The following ADAM2 variants were observed in gnomAD, a reference collection of about 807,000 sequenced individuals.
ADAM2 encodes the protein disintegrin and metalloproteinase domain-containing protein 2.
A neutral mutation model predicts 99.3 loss-of-function variants in ADAM2; 101 were observed. The ratio of observed to expected loss-of-function variants is 1.02; its 90% confidence interval spans 0.87 to 1.20. The LOEUF is 1.20. Ranked by LOEUF, ADAM2 falls within the 50% of genes most tolerant of loss-of-function variation. ADAM2 has a pLI of 0.00. For synonymous variants in ADAM2, 323 were observed against 287.6 expected (o/e 1.12, Z -1.25); for missense variants, 948 against 878.7 (o/e 1.08, Z -1.00).
intron 4 of ADAM2, among the ~76,000 whole-genome samples, chr8:39,824,125 A>C (rs1358152312): frequency 1.3e-5 from 2 of 152,142 alleles, no homozygotes; most frequent in African/African-American, 4.8e-5. Context: ...CTCTACTAAA[A>C]ATACAAAATT....
chr8:39,799,666 T>G (rs1490722114), intron 7 of ADAM2, among the ~76,000 whole-genome samples: 3 of 152,130 alleles, frequency 2.0e-5, no homozygotes, highest in African/African-American at 7.2e-5. Flanking sequence ...TGTGTGGGAG[T>G]CCAAGTCTCT....
intron 1 of ADAM2, among the ~76,000 whole-genome samples, 193 bp downstream of exon 1, chr8:39,837,938 G>A (rs1320881521): frequency 2.0e-5 from 3 of 152,148 alleles, no homozygotes; most frequent in African/African-American, 7.2e-5. Flanking sequence ...TAGGTTTCCA[G>A]GACGTGTGGG....
At chr8:39,780,988 T>C (rs28584942) in intron 10 of ADAM2, among the ~76,000 whole-genome samples, 2,523 of 152,098 alleles carry the variant, frequency 0.017, 53 homozygotes, top group African/African-American at 0.057. Context: ...AAAGCTTGTT[T>C]TGTGTGGCGC....
At chr8:39,761,345 A>G (rs1802363939) in intron 14 of ADAM2, 64 bp from the exon 15 acceptor site, 2 of 926,252 alleles carry the variant, frequency 2.2e-6, no homozygotes. Flanking sequence ...AATAACAAAT[A>G]CACTTAAAAT....
chr8:39,772,437 T>C (rs1470114550), intron 11 of ADAM2, among the ~76,000 whole-genome samples: 1 of 152,054 alleles, frequency 6.6e-6, no homozygotes, highest in Non-Finnish European at 1.5e-5. Context: ...ACTTTAAATT[T>C]GGTTAATTGT....
intron 4 of ADAM2, among the ~76,000 whole-genome samples, chr8:39,824,274 C>CAAAAAAAAAAAAAAAAAAA (rs201545294): frequency 1.2e-5 from 1 of 83,502 alleles, no homozygotes; most frequent in Non-Finnish European, 2.5e-5. Flanking sequence ...AACTCTATCT[C>CAAAAAAAAAAAAAAAAAAA]AAAAAAAAAA....
intron 3 of ADAM2, among the ~76,000 whole-genome samples, chr8:39,830,536 A>G (rs1201734427): frequency 6.6e-6 from 1 of 152,194 alleles, no homozygotes; most frequent in East Asian, 1.9e-4. Flanking sequence ...GAATGATCAA[A>G]GCAATAGAAA....
At chr8:39,760,576 A>T (rs1022904528) in intron 15 of ADAM2, among the ~76,000 whole-genome samples, 2 of 151,458 alleles carry the variant, frequency 1.3e-5, no homozygotes, top group African/African-American at 2.4e-5. Context: ...AAAAAATTAG[A>T]CGGGCGTGGT....
chr8:39,767,169 C>A lies in ADAM2; in HGVS notation c.1295G>T (p.Cys432Phe), dbSNP rs549331534. The change falls in exon 13 of 21, where the codon TGC becomes TTC. Residue 432 changes from cysteine to phenylalanine, a missense_variant. By Grantham distance (205) the Cys-to-Phe change is radical. Coordinates refer to ENST00000265708, the MANE Select transcript of ADAM2 (RefSeq NM_001464.5). The stretch of plus-strand genomic sequence containing the variant: ...AGCTCTTACTAGACAGTTTTCGCAG[C>A]ATGGTCCTTCAGCACAGTTTGAACC... ...KAGSNCAEGP[C>F]CENCLFMSKE... The A allele has an allele frequency of 2.3e-4, 365 of 1,606,790 alleles. 6 individuals carry two copies. The South Asian group carries it at 3.7e-3, about 16-fold the overall frequency.
intron 19 of ADAM2, among the ~76,000 whole-genome samples, chr8:39,745,980 C>T (rs1563330451): frequency 6.7e-6 from 1 of 149,864 alleles, no homozygotes; most frequent in Admixed American, 6.7e-5. Context: ...TGTATATATG[C>T]ATGTGTATGT....
chr8:39,826,886 C>T (rs1020791746), intron 3 of ADAM2, among the ~76,000 whole-genome samples: 1 of 151,760 alleles, frequency 6.6e-6, no homozygotes, highest in African/African-American at 2.4e-5. Context: ...CAAAACTAGA[C>T]AAAAACTAGA....
intron 3 of ADAM2, among the ~76,000 whole-genome samples, chr8:39,825,810 G>A (rs181673319): frequency 1.2e-4 from 18 of 152,122 alleles, no homozygotes; most frequent in Non-Finnish European, 2.1e-4. Context: ...AAAGGCAAAC[G>A]ACATCTTTTT....
Position 39,743,851 on chromosome 8 carries a change from G to T in ADAM2, c.*244C>A, listed in dbSNP as rs1424304924. 6.6e-6 allele frequency: 1 copy of T among 151,846 alleles called. No individual in the cohort carries two copies. Among genetic ancestry groups the T allele is most frequent in the Non-Finnish European group, 1.5e-5 (1 of 67,924 alleles). 9.4% of individuals were successfully genotyped at this position (151,846 alleles called of 1,614,324 possible). On this transcript the variant is annotated 3_prime_UTR_variant, in exon 21 of 21. Transcript: ENST00000265708. ...CTACTAACCAACAGAAATAGCGTAA[G>T]ATAACTTTAAAAAAACAGAAATTTG...
At position 39,821,631 on chromosome 8, in the gene ADAM2, C is replaced by A. The variant is rs777335732; in HGVS notation, c.299G>T (p.Gly100Val). 6.2e-7 allele frequency: 1 copy of A among 1,608,234 alleles called. No individual in the cohort carries two copies. Among genetic ancestry groups the A allele is most frequent in the Non-Finnish European group, 8.5e-7 (1 of 1,175,328 alleles). Residue 100 changes from glycine to valine, a missense_variant, in exon 5 of 21, where the codon GGT (glycine) becomes GTT (valine). Physicochemically the swap from Gly to Val is moderately radical, Grantham distance 109. Transcript: ENST00000265708. ...NFCHYQGYIEGYPKSVVMVST... is the reference protein window; with the variant it reads ...NFCHYQGYIEVYPKSVVMVST... ...AACCATCACCACAGATTTTGGATAACCTTCAATATACCCTTGGTAGTGGCA... is the reference window on the plus strand; with the variant it reads ...AACCATCACCACAGATTTTGGATAAACTTCAATATACCCTTGGTAGTGGCA...
At chr8:39,748,485 C>T (rs1409392774) in intron 18 of ADAM2, among the ~76,000 whole-genome samples, 3 of 152,056 alleles carry the variant, frequency 2.0e-5, no homozygotes, top group Non-Finnish European at 4.4e-5. Context: ...ATAATATTTC[C>T]AGATACTGGA....
intron 2 of ADAM2, 151 bp from the exon 3 acceptor site, chr8:39,834,150 G>A: frequency 2.0e-5 from 10 of 504,532 alleles, no homozygotes; most frequent in South Asian, 1.1e-4. Flanking sequence ...TTATTTTAAT[G>A]GCATTTGACA....
At chr8:39,819,580 A>G (rs1337644656) in intron 6 of ADAM2, among the ~76,000 whole-genome samples, 1 of 152,140 alleles carries the variant, frequency 6.6e-6, no homozygotes, top group African/African-American at 2.4e-5. Flanking sequence ...AGTAAAGCAC[A>G]TTACTCTTCA....
intron 7 of ADAM2, among the ~76,000 whole-genome samples, chr8:39,790,553 T>G (rs1275927831): frequency 1.3e-5 from 2 of 151,998 alleles, no homozygotes; most frequent in Non-Finnish European, 2.9e-5. Flanking sequence ...TGGGAGTAAT[T>G]GCTAATGGAT....
chr8:39,824,875 T>C lies in ADAM2; in HGVS notation c.211A>G (p.Arg71Gly). 6.5e-7 allele frequency: 1 copy of C among 1,537,024 alleles called. No individual in the cohort carries two copies. Among genetic ancestry groups the C allele is most frequent in the Non-Finnish European group, 8.9e-7 (1 of 1,117,862 alleles). ...MQKNFLPHNF[R>G]VYSYSGTGIM... ...CCTGTGCCACTATAACTGTAAACTC[T>C]AAAATTATGGGGTAAAAAGTTTCTG... The change falls in exon 4 of 21, where the codon AGA (arginine) becomes GGA (glycine). Residue 71 changes from arginine (R) to glycine (G), a missense_variant. Transcript: ENST00000265708.
Sources: allele counts gnomAD v4.1 joint callset (sites outside exome capture counted in the v4.1 genomes callset), GRCh38; gene constraint gnomAD v4.1.1; transcripts MANE v1.5; gene names NCBI Gene and HGNC (gene_info 2026-07-23, HGNC 2026-07-21).